The following FMN2 variants were observed in gnomAD, a reference collection of about 807,000 sequenced individuals.
FMN2 encodes the protein formin-2.
FMN2 carries 51 observed loss-of-function variants against 142.3 expected under a neutral mutation model. That is an observed-to-expected ratio of 0.36 (90% CI 0.29 to 0.45). The LOEUF is 0.45. FMN2 is among the 20% of genes least tolerant of loss of function. The pLI is 1.00. For missense variants in FMN2, 1,936 were observed against 2,122.8 expected, an observed-to-expected ratio of 0.91 and a Z score of 1.73; for synonymous variants, 882 against 869.8, an observed-to-expected ratio of 1.01 and a Z score of -0.25.
rs191095252 is a variant in FMN2 at position 240,419,063 on chromosome 1, G to A, written c.4911-18998G>A. Among the ~76,000 whole-genome samples the A allele has an allele frequency of 2.0e-4, 31 of 152,276 alleles. No individual in the cohort carries two copies. The East Asian group carries it at 5.0e-3, about 25-fold the overall frequency. Reference sequence around the variant, plus strand: ...GCGGAGGTTGCAGTGAGCCGAGATCGTGCCACTGCACTCCAGCCTGGGCAA... The same window carrying A: ...GCGGAGGTTGCAGTGAGCCGAGATCATGCCACTGCACTCCAGCCTGGGCAA... On this transcript the variant is annotated intron_variant, in intron 15 of 17. Transcript: ENST00000319653.
intron 7 of FMN2, among the ~76,000 whole-genome samples, chr1:240,287,524 A>G (rs1323871620): frequency 2.0e-5 from 3 of 152,142 alleles, no homozygotes; most frequent in Non-Finnish European, 4.4e-5. Context: ...ACTTTAACCC[A>G]AATTAGTGTT....
chr1:240,156,924 G>A (rs12758825), intron 2 of FMN2, among the ~76,000 whole-genome samples: 52 of 152,232 alleles, frequency 3.4e-4, no homozygotes, highest in Admixed American at 2.3e-3. Flanking sequence ...GAGGATTTAC[G>A]TTGCTATTTG....
intron 11 of FMN2, among the ~76,000 whole-genome samples, chr1:240,333,595 T>C (rs901703053): frequency 1.3e-5 from 2 of 152,028 alleles, no homozygotes; most frequent in Middle Eastern, 3.2e-3. Context: ...TAATAAAATA[T>C]ACAAGACATG....
At position 240,438,043 on chromosome 1, in the gene FMN2, G is replaced by A; in HGVS notation, c.4911-18G>A. ...GTAATCATGGCTTTTATGCTTTTGTGTGTGTATGATTTGACAGCTTTTTGG... is the reference window on the plus strand; with the variant it reads ...GTAATCATGGCTTTTATGCTTTTGTATGTGTATGATTTGACAGCTTTTTGG... On this transcript the variant is annotated intron_variant, in intron 15 of 17. Coordinates refer to ENST00000319653, the MANE Select transcript of FMN2 (RefSeq NM_020066.5). The A allele has an allele frequency of 1.9e-6, 3 of 1,607,728 alleles. No homozygotes were observed. The highest frequency in any genetic ancestry group is 1.7e-6 in the Non-Finnish European group (2 of 1,178,146).
chr1:240,324,715 A>G (rs939422492), intron 8 of FMN2, among the ~76,000 whole-genome samples: 13 of 151,698 alleles, frequency 8.6e-5, no homozygotes, highest in African/African-American at 2.9e-4. Flanking sequence ...GAGGGAGGGA[A>G]GAAAGAAAGA....
In FMN2 at chr1:240,431,423, T is replaced by TATATATATATAC. The variant is rs1491221486; in HGVS notation, c.4911-6637_4911-6636insTATATATATACA. Among the ~76,000 whole-genome samples the TATATATATATAC allele has an allele frequency of 3.7e-3, 487 of 130,920 alleles. 1 individual carries two copies. The highest frequency in any genetic ancestry group is 0.013 in the African/African-American group (456 of 36,354). 85.9% of individuals were successfully genotyped at this position (130,920 alleles called of 152,430 possible). On this transcript the variant is annotated intron_variant, in intron 15 of 17. Transcript: ENST00000319653. ...TGTTTTATATATATATATATATATATACATATATATACACACATATATATG... is the reference window on the plus strand; with the variant it reads ...TGTTTTATATATATATATATATATATATATATATATACACATATATATACACACATATATATG...
In FMN2 at chr1:240,200,466, C is replaced by T. The variant is rs142776790; in HGVS notation, c.1987-6333C>T. Among the ~76,000 whole-genome samples, 1,272 of 152,272 alleles carry T rather than the reference C, an allele frequency of 8.4e-3. 14 individuals are homozygous for T. The highest frequency in any genetic ancestry group is 0.029 in the African/African-American group (1,211 of 41,550). On this transcript the variant is annotated intron_variant, in intron 4 of 17. Coordinates refer to ENST00000319653, the MANE Select transcript of FMN2 (RefSeq NM_020066.5). ...TCTCTGAGAGCCAGCCGGCCCTTGA[C>T]TGATAGCCCTGGATAAGGAAGGCCA...
Position 240,271,690 on chromosome 1 carries a change from A to G in FMN2, c.4153+13658A>G, listed in dbSNP as rs1572140311. 3.9e-5 allele frequency among the ~76,000 whole-genome samples: 6 copies of G among 152,222 alleles called. No individual in the cohort carries two copies. In the East Asian group the frequency reaches 7.8e-4, roughly 20 times the overall value. ...GTGAGCCTGTGTAACCTTTTCATCA[A>G]TTGTAGCCTTGTAGTGGAGAAAAGT... is the stretch of plus-strand genomic sequence containing the variant. On this transcript the variant is annotated intron_variant, in intron 7 of 17. Coordinates refer to ENST00000319653, the MANE Select transcript of FMN2 (RefSeq NM_020066.5).
intron 2 of FMN2, among the ~76,000 whole-genome samples, chr1:240,127,886 G>C (rs1662577416): frequency 6.6e-6 from 1 of 152,156 alleles, no homozygotes; most frequent in South Asian, 2.1e-4. Context: ...CTGTAGGTTG[G>C]GGCAGGACGG....
Position 240,438,056 on chromosome 1 carries a change from G to C in FMN2, c.4911-5G>C. On this transcript the variant is annotated splice_polypyrimidine_tract_variant and splice_region_variant and intron_variant, in intron 15 of 17. Coordinates refer to ENST00000319653, the MANE Select transcript of FMN2 (RefSeq NM_020066.5). ...TTATGCTTTTGTGTGTGTATGATTT[G>C]ACAGCTTTTTGGAGACCACGGCATA... 2 of 1,611,422 alleles carry C rather than the reference G, an allele frequency of 1.2e-6. No individual in the cohort carries two copies. The highest frequency in any genetic ancestry group is 1.7e-6 in the Non-Finnish European group (2 of 1,179,336).
At chr1:240,472,926 A>G (rs930767751) in intron 17 of FMN2, among the ~76,000 whole-genome samples, 2 of 149,350 alleles carry the variant, frequency 1.3e-5, no homozygotes, top group African/African-American at 2.5e-5. Flanking sequence ...GCCTGGCAAC[A>G]GAGTGAGACT....
At chr1:240,119,150 A>C (rs533298409) in intron 1 of FMN2, among the ~76,000 whole-genome samples, 1 of 152,144 alleles carries the variant, frequency 6.6e-6, no homozygotes, top group African/African-American at 2.4e-5. Context: ...CAACATGGTG[A>C]AATCTCCTCT....
chr1:240,457,413 T>TC (rs1676287890), intron 16 of FMN2: 1 of 152,200 alleles, frequency 6.6e-6, no homozygotes, highest in South Asian at 2.1e-4. Flanking sequence ...TCCGCATACT[T>TC]CCCTGAGGTC....
chr1:240,257,160 G>A (rs1354653885), intron 6 of FMN2, among the ~76,000 whole-genome samples: 1 of 152,152 alleles, frequency 6.6e-6, no homozygotes, highest in Admixed American at 6.6e-5. Flanking sequence ...AGAATTTCCT[G>A]GTGATGCTGT....
At chr1:240,440,494 A>AT (rs71799547) in intron 16 of FMN2, among the ~76,000 whole-genome samples, 11 of 151,874 alleles carry the variant, frequency 7.2e-5, no homozygotes, top group South Asian at 2.1e-4. Flanking sequence ...AGCTAGATCC[A>AT]TTTTTTTTGG....
rs180671695 is a variant in FMN2 at position 240,275,381 on chromosome 1, T to C, written c.4153+17349T>C. Among the ~76,000 whole-genome samples the C allele has an allele frequency of 8.2e-3, 1,251 of 152,158 alleles. 22 individuals are homozygous for C. Among genetic ancestry groups the C allele is most frequent in the African/African-American group, 0.029 (1,199 of 41,494 alleles). On this transcript the variant is annotated intron_variant, in intron 7 of 17. Coordinates refer to ENST00000319653, the MANE Select transcript of FMN2 (RefSeq NM_020066.5). ...TGTGGTAGTTTGCTGAGAATGATGG[T>C]TTCCAGCTTCATCCATGTCCCTGCA...
chr1:240,092,585 T>G lies in FMN2; in HGVS notation c.476T>G (p.Ile159Ser). ...PAEARVGGRP[I>S]AEDVETAAGA... ...GAGGCTAGGGTCGGGGGCCGGCCGA[T>G]CGCCGAGGATGTGGAAACTGCAGCA... is the stretch of plus-strand genomic sequence containing the variant. The change falls in exon 1 of 18, where the codon ATC becomes AGC. Residue 159 changes from isoleucine to serine, a missense_variant. Physicochemically the swap from Ile to Ser is moderately radical, Grantham distance 142 (BLOSUM62 -2). Around this residue, in one of 8 missense-constraint regions of FMN2, gnomAD observed 751 missense variants for 791.8 expected, o/e 0.95. Coordinates refer to ENST00000319653, the MANE Select transcript of FMN2 (RefSeq NM_020066.5). 1 of 1,613,036 alleles carries G rather than the reference T, an allele frequency of 6.2e-7. No individual in the cohort carries two copies. The highest frequency in any genetic ancestry group is 8.5e-7 in the Non-Finnish European group (1 of 1,179,782).
At chr1:240,143,221 A>C in intron 2 of FMN2, 1 of 1,589,922 alleles carries the variant, frequency 6.3e-7, no homozygotes, top group East Asian at 2.2e-5. Flanking sequence ...GCAAAAATGG[A>C]GTTATAGGAA....
At chr1:240,344,149 G>A (rs1240964613) in intron 13 of FMN2, among the ~76,000 whole-genome samples, 1 of 152,226 alleles carries the variant, frequency 6.6e-6, no homozygotes. Context: ...CTGGCAAGAG[G>A]AGAATTTGTG....
Sources: allele counts gnomAD v4.1 joint callset (sites outside exome capture counted in the v4.1 genomes callset), GRCh38; gene constraint gnomAD v4.1.1; regional missense constraint gnomAD v4.1.1; transcripts MANE v1.5; gene names NCBI Gene and HGNC (gene_info 2026-07-23, HGNC 2026-07-21).